ERBB4: variants seen among roughly 807,000 people sequenced by gnomAD.
The protein encoded by ERBB4 is receptor tyrosine-protein kinase erbB-4.
In ERBB4, 42 loss-of-function variants were observed where a neutral mutation model predicts 158.0. That is an observed-to-expected ratio of 0.27 (90% confidence interval 0.21 to 0.34). ERBB4 has a LOEUF of 0.34. Ranked by LOEUF, ERBB4 falls within the 10% of genes least tolerant of loss-of-function variation. The probability of loss-of-function intolerance (pLI) is 1.00; values close to 1 mark genes in which losing one functional copy is unlikely to be tolerated. For synonymous variants in ERBB4, 583 were observed against 558.7 expected, an observed-to-expected ratio of 1.04 and a Z score of -0.61; for missense variants, 1,333 against 1,624.1, an observed-to-expected ratio of 0.82 and a Z score of 3.08.
intron 2 of ERBB4, among the ~76,000 whole-genome samples, chr2:212,044,737 C>T (rs75550332): frequency 0.031 from 4,673 of 152,260 alleles, 111 homozygotes; most frequent in Middle Eastern, 0.065. Context: ...TCCCATACCT[C>T]CTTAAACTGA....
intron 19 of ERBB4, among the ~76,000 whole-genome samples, chr2:211,563,341 T>C (rs2067457432): frequency 1.3e-5 from 2 of 152,214 alleles, no homozygotes; most frequent in African/African-American, 4.8e-5. Flanking sequence ...TGAAAAGCTA[T>C]GTAATATCAC....
At chr2:212,062,102 A>G (rs2077788846) in intron 2 of ERBB4, among the ~76,000 whole-genome samples, 1 of 152,184 alleles carries the variant, frequency 6.6e-6, no homozygotes, top group Non-Finnish European at 1.5e-5. Context: ...TATTATTTGT[A>G]TTAGATATGC....
intron 1 of ERBB4, among the ~76,000 whole-genome samples, chr2:212,438,323 C>A (rs755301915): frequency 5.9e-5 from 9 of 151,924 alleles, no homozygotes; most frequent in Non-Finnish European, 1.2e-4. Context: ...TTTATAAATA[C>A]CAGGAGAAAA....
At position 211,860,294 on chromosome 2, in the gene ERBB4, T is replaced by C. The variant is rs75005311; in HGVS notation, c.422-72135A>G. ...AGTTACTCCAATTATTTTCTAACTT[T>C]CAACATTATTCTGATTAAGTCCTAG... On this transcript the variant is annotated intron_variant, in intron 3 of 27. Transcript: ENST00000342788. Among the ~76,000 whole-genome samples, 652 of 152,290 alleles carry C rather than the reference T, an allele frequency of 4.3e-3. 9 individuals carry two copies. Among genetic ancestry groups the C allele is most frequent in the African/African-American group, 0.014 (595 of 41,586 alleles).
At chr2:212,198,397 C>A (rs1195662209) in intron 1 of ERBB4, among the ~76,000 whole-genome samples, 1 of 152,134 alleles carries the variant, frequency 6.6e-6, no homozygotes, top group African/African-American at 2.4e-5. Context: ...CCCTGACAAC[C>A]ACTATTCTAT....
At chr2:212,515,149 T>C (rs75289098) in intron 1 of ERBB4, among the ~76,000 whole-genome samples, 3,184 of 152,302 alleles carry the variant, frequency 0.021, 108 homozygotes, top group African/African-American at 0.073. Flanking sequence ...TGTGTGCATA[T>C]GGCTCAGTGC....
intron 19 of ERBB4, among the ~76,000 whole-genome samples, chr2:211,594,048 A>C (rs1440900417): frequency 6.6e-6 from 1 of 151,996 alleles, no homozygotes; most frequent in Non-Finnish European, 1.5e-5. Flanking sequence ...GTTAATCCCA[A>C]AGTCATTCTC....
intron 1 of ERBB4, among the ~76,000 whole-genome samples, chr2:212,426,858 A>G (rs1216470740): frequency 1.3e-5 from 2 of 152,126 alleles, no homozygotes; most frequent in Non-Finnish European, 2.9e-5. Flanking sequence ...TACTCTAGCC[A>G]AGTAGTACTG....
chr2:211,609,113 C>T (rs181144482), intron 19 of ERBB4, among the ~76,000 whole-genome samples: 2 of 152,232 alleles, frequency 1.3e-5, no homozygotes, highest in Admixed American at 6.5e-5. Context: ...TCCTGTCCTC[C>T]TGTCGCTCAG....
intron 2 of ERBB4, among the ~76,000 whole-genome samples, chr2:212,106,630 G>A (rs1298381204): frequency 1.3e-5 from 2 of 152,214 alleles, no homozygotes; most frequent in Non-Finnish European, 2.9e-5. Flanking sequence ...ATAATAATCA[G>A]CAAGACAATG....
chr2:212,306,314 A>C (rs1311854434), intron 1 of ERBB4, among the ~76,000 whole-genome samples: 1 of 151,458 alleles, frequency 6.6e-6, no homozygotes, highest in African/African-American at 2.4e-5. Flanking sequence ...AGAAGAAAAC[A>C]AACAAACTCT....
In ERBB4 at chr2:211,897,809, T is replaced by G. The variant is rs528496346; in HGVS notation, c.421+49621A>C. On this transcript the variant is annotated intron_variant, in intron 3 of 27. Transcript: ENST00000342788. ...CCTAGGCTGGAGTGCAGTGGCATAA[T>G]CATAGCTGACTGTAACCTCAAACTC... Among the ~76,000 whole-genome samples, 5 of 152,246 alleles carry G rather than the reference T, an allele frequency of 3.3e-5. No homozygotes were observed. The East Asian group carries it at 9.6e-4, about 29-fold the overall frequency.
chr2:211,525,753 C>T (rs1328178816), intron 20 of ERBB4, among the ~76,000 whole-genome samples: 3 of 152,128 alleles, frequency 2.0e-5, no homozygotes, highest in African/African-American at 7.2e-5. Flanking sequence ...CAGCATTCAC[C>T]AGAGCTGACC....
chr2:211,490,737 G>T (rs532404440), intron 20 of ERBB4, among the ~76,000 whole-genome samples: 51 of 152,126 alleles, frequency 3.4e-4, no homozygotes, highest in African/African-American at 1.2e-3. Context: ...TAGACAAACT[G>T]CATTTTCTTT....
intron 5 of ERBB4, among the ~76,000 whole-genome samples, chr2:211,740,082 T>C (rs2074738790): frequency 6.6e-6 from 1 of 152,176 alleles, no homozygotes; most frequent in African/African-American, 2.4e-5. Flanking sequence ...TAAATACATA[T>C]AACATCCTTA....
At chr2:211,811,857 C>T (rs2076764565) in intron 3 of ERBB4, among the ~76,000 whole-genome samples, 1 of 152,038 alleles carries the variant, frequency 6.6e-6, no homozygotes, top group African/African-American at 2.4e-5. Context: ...CCATGGTTTT[C>T]AGCTCCATCA....
chr2:211,925,603 A>G (rs897275350), intron 3 of ERBB4, among the ~76,000 whole-genome samples: 1 of 151,908 alleles, frequency 6.6e-6, no homozygotes, highest in Admixed American at 6.6e-5. Context: ...GGCTGATCTC[A>G]AACTCCTGAC....
chr2:211,573,918 T>C (rs1338950624), intron 19 of ERBB4, among the ~76,000 whole-genome samples: 1 of 152,172 alleles, frequency 6.6e-6, no homozygotes, highest in Admixed American at 6.5e-5. Flanking sequence ...ACCAAATCTT[T>C]AGTTTGGATA....
At chr2:212,379,345 TAAG>T (rs1293715745) in intron 1 of ERBB4, among the ~76,000 whole-genome samples, 1 of 151,688 alleles carries the variant, frequency 6.6e-6, no homozygotes, top group Non-Finnish European at 1.5e-5. Context: ...CACACAGTGA[TAAG>T]AAAGAGCACA....
Sources: allele counts gnomAD v4.1 joint callset (sites outside exome capture counted in the v4.1 genomes callset), GRCh38; gene constraint gnomAD v4.1.1; transcripts MANE v1.5; gene names NCBI Gene and HGNC (gene_info 2026-07-23, HGNC 2026-07-21).